The following MYL3 variants were observed in gnomAD, a reference collection of about 807,000 sequenced individuals.
MYL3 encodes myosin light chain 3.
Under a neutral mutation model 21.3 loss-of-function variants are expected in MYL3, and 11 were observed. The observed-to-expected ratio is 0.52, with a 90% confidence interval of 0.32 to 0.85. The LOEUF (loss-of-function observed/expected upper bound fraction) is 0.85. MYL3 is among the 40% of genes least tolerant of loss of function. MYL3 has a pLI of 0.03. For missense variants in MYL3, 206 were observed against 253.3 expected (o/e 0.81, Z 1.27); for synonymous variants, 88 against 91.6 (o/e 0.96, Z 0.22).
At chr3:46,873,075 A>T (rs1319196455) in intron 1 of MYL3, among the ~76,000 whole-genome samples, 1 of 152,246 alleles carries the variant, frequency 6.6e-6, no homozygotes, top group Non-Finnish European at 1.5e-5. Flanking sequence ...CTATTGGGAC[A>T]GAGGCAGCAG....
Position 46,869,636 on chromosome 3 carries a change from G to A in MYL3, c.-217-3036C>T, listed in dbSNP as rs145520703. Among the ~76,000 whole-genome samples the A allele has an allele frequency of 2.2e-4, 33 of 152,360 alleles. 1 individual carries two copies. The East Asian group carries it at 4.8e-3, about 22-fold the overall frequency. On this transcript the variant is annotated intron_variant, in intron 1 of 3. Coordinates refer to the MYL3 transcript ENST00000431168. ...ATTGTGTGGGAGTGTGTCGTCTTGC[G>A]TGCTTCCACGTGTCACCATGGGCAC... is the stretch of plus-strand genomic sequence containing the variant.
intron 1 of MYL3, among the ~76,000 whole-genome samples, chr3:46,872,356 G>A (rs2029963281): frequency 6.6e-6 from 1 of 152,214 alleles, no homozygotes; most frequent in Non-Finnish European, 1.5e-5. Flanking sequence ...CCAAAGGGAG[G>A]CCCTGCCTTC....
Position 46,863,257 on chromosome 3 carries a change from C to G in MYL3, c.129+5G>C. 1 of 1,614,082 alleles carries G rather than the reference C, an allele frequency of 6.2e-7. No homozygotes were observed. The highest frequency in any genetic ancestry group is 8.5e-7 in the Non-Finnish European group (1 of 1,180,010). ...CTATTGCCACCACCCAGCTTCCATA[C>G]CCACCTTGATCTTGGAAGCATCAAA... On this transcript the variant is annotated splice_donor_5th_base_variant and intron_variant, in intron 1 of 6. Coordinates refer to ENST00000292327, the MANE Select transcript of MYL3 (RefSeq NM_000258.3).
At chr3:46,867,001 C>G (rs1253598533), upstream of MYL3, among the ~76,000 whole-genome samples, 1 of 152,082 alleles carries the variant, frequency 6.6e-6, no homozygotes, top group Non-Finnish European at 1.5e-5. Context: ...CAACCCAGAC[C>G]CCAGATCAGG....
chr3:46,881,509 C>T (rs1470160015), intron 1 of MYL3, among the ~76,000 whole-genome samples: 1 of 152,166 alleles, frequency 6.6e-6, no homozygotes, highest in African/African-American at 2.4e-5. Context: ...GGTCTGGCAG[C>T]CTCGAGCCTC....
Position 46,859,071 on chromosome 3 carries a change from G to T in MYL3, c.481+404C>A, listed in dbSNP as rs1327054682. 2.0e-5 allele frequency among the ~76,000 whole-genome samples: 3 copies of T among 152,178 alleles called. No homozygotes were observed. The highest frequency in any genetic ancestry group is 4.8e-5 in the African/African-American group (2 of 41,434). ...CTGCTGCAGGCAGCCGATGGTAGGG[G>T]TATAAGTGGGAGGTACACAGGGCTC... On this transcript the variant is annotated intron_variant, in intron 4 of 6. Coordinates refer to ENST00000292327, the MANE Select transcript of MYL3 (RefSeq NM_000258.3). This position sits in a 1 kb window ranked among gnomAD's most constrained non-coding sequence, Gnocchi z 4.1.
At position 46,863,284 on chromosome 3, in the gene MYL3, T is replaced by A. The variant is rs1283215123; in HGVS notation, c.107A>T (p.Glu36Val). ...CACCTTGATCTTGGAAGCATCAAAC[T>A]CGACCTCCTTAGGGCGCTCAGGCTC... ...PPEPERPKEV[E>V]FDASKIKIEF... Residue 36 changes from glutamate to valine, a missense_variant, in exon 1 of 7, where the codon GAG becomes GTG. Glu to Val is a moderately radical substitution (Grantham distance 121, BLOSUM62 -2). Transcript: ENST00000292327. 1 of 1,614,094 alleles carries A rather than the reference T, an allele frequency of 6.2e-7. No homozygotes were observed.
chr3:46,858,437 A>G lies in MYL3; in HGVS notation c.506T>C (p.Val169Ala). The change falls in exon 5 of 7, where the codon GTG (valine) becomes GCG (alanine). Residue 169 changes from valine to alanine, a missense_variant. Val to Ala is a moderately conservative substitution (Grantham distance 64, BLOSUM62 0). Coordinates refer to ENST00000292327, the MANE Select transcript of MYL3 (RefSeq NM_000258.3). ...CTCTTGCCCAGCCATCAACTTCTCC[A>G]CTTCGTCTTCTGTCAGCCTCTCACC... ...TLGERLTEDE[V>A]EKLMAGQEDS... 1 of 1,613,620 alleles carries G rather than the reference A, an allele frequency of 6.2e-7. No homozygotes were observed. The highest frequency in any genetic ancestry group is 8.5e-7 in the Non-Finnish European group (1 of 1,179,942).
intron 1 of MYL3, among the ~76,000 whole-genome samples, chr3:46,875,598 C>T (rs938290521): frequency 2.0e-5 from 3 of 152,230 alleles, no homozygotes; most frequent in Admixed American, 2.0e-4. Flanking sequence ...ACCCTTCAAC[C>T]TCCACCACCT....
upstream of MYL3, chr3:46,863,458 C>T (rs914849613): frequency 1.0e-5 from 16 of 1,571,110 alleles, no homozygotes; most frequent in South Asian, 1.8e-4. Context: ...TGAGCCGCCT[C>T]ACCCAGGCCT....
In MYL3 at chr3:46,859,724, G is replaced by A; in HGVS notation, c.308-76C>T. ...CCCCTCCCCCATGCCTGATAATGAG[G>A]AGCTATCCCCACCTCTCACACAGTT... On this transcript the variant is annotated intron_variant, in intron 3 of 6. Coordinates refer to ENST00000292327, the MANE Select transcript of MYL3 (RefSeq NM_000258.3). The surrounding 1 kb of genome is among the most constrained non-coding windows in gnomAD (Gnocchi z 4.1). 1 of 1,514,744 alleles carries A rather than the reference G, an allele frequency of 6.6e-7. No individual in the cohort carries two copies. The highest frequency in any genetic ancestry group is 9.2e-7 in the Non-Finnish European group (1 of 1,090,788). The allele number at this position is 1,514,744 out of a possible 1,614,324, so 93.8% of individuals were successfully genotyped here.
chr3:46,865,636 G>A (rs539516844), upstream of MYL3, among the ~76,000 whole-genome samples: 12 of 152,290 alleles, frequency 7.9e-5, no homozygotes, highest in South Asian at 1.9e-3. The surrounding 1 kb of genome is among the most constrained non-coding windows in gnomAD (Gnocchi z 4.3). Flanking sequence ...ACCACCCAAC[G>A]TTGGCCCAAA....
At chr3:46,880,693 C>A (rs1334854239) in intron 1 of MYL3, among the ~76,000 whole-genome samples, 1 of 152,144 alleles carries the variant, frequency 6.6e-6, no homozygotes, top group South Asian at 2.1e-4. Context: ...TGCCACTGGA[C>A]TCCAGCCTGG....
At chr3:46,875,247 T>C (rs72895894) in intron 1 of MYL3, among the ~76,000 whole-genome samples, 6,431 of 152,262 alleles carry the variant, frequency 0.042, 189 homozygotes, top group African/African-American at 0.088. Flanking sequence ...CACTGAGGGA[T>C]GCAGACCTGA....
chr3:46,858,867 C>T (rs1701960830), intron 4 of MYL3, among the ~76,000 whole-genome samples: 2 of 152,156 alleles, frequency 1.3e-5, no homozygotes, highest in South Asian at 4.1e-4. Flanking sequence ...TGCCTCCGTA[C>T]TTCTGTGTGC....
chr3:46,862,778 C>T (rs552279723), intron 1 of MYL3, among the ~76,000 whole-genome samples: 1 of 152,306 alleles, frequency 6.6e-6, no homozygotes, highest in Admixed American at 6.5e-5. Context: ...AGTGCTCTAC[C>T]AGCTCTGGGC....
intron 1 of MYL3, among the ~76,000 whole-genome samples, chr3:46,871,502 G>A (rs1043779883): frequency 4.6e-5 from 7 of 152,002 alleles, no homozygotes; most frequent in Non-Finnish European, 8.8e-5. Context: ...GAAGGCTCCC[G>A]ACCCATTCCT....
intron 1 of MYL3, among the ~76,000 whole-genome samples, chr3:46,875,006 G>T (rs1298513621): frequency 6.6e-6 from 1 of 152,174 alleles, no homozygotes; most frequent in Non-Finnish European, 1.5e-5. Flanking sequence ...CTGGGGGTGG[G>T]TTTGGAGAGA....
chr3:46,874,844 C>T lies in MYL3; in HGVS notation c.-218+7230G>A, dbSNP rs753886475. Reference sequence around the variant, plus strand: ...TGGGAAACAGGACCCGCTTTGGACCCCCAACCAGTGTCCCCAGTGGCTGGC... The same window carrying T: ...TGGGAAACAGGACCCGCTTTGGACCTCCAACCAGTGTCCCCAGTGGCTGGC... On this transcript the variant is annotated intron_variant, in intron 1 of 3. Coordinates refer to the MYL3 transcript ENST00000431168. This position sits in a 1 kb window ranked among gnomAD's most constrained non-coding sequence, Gnocchi z 4.1. 1.5e-4 allele frequency among the ~76,000 whole-genome samples: 23 copies of T among 152,196 alleles called. No individual in the cohort carries two copies. The highest frequency in any genetic ancestry group is 3.2e-4 in the Non-Finnish European group (22 of 68,042).
Sources: gnomAD v4.1 joint callset for allele counts (sites outside exome capture counted in the v4.1 genomes callset) on GRCh38, gnomAD v4.1.1 for gene constraint, Gnocchi (gnomAD v3.1) non-coding constraint, MANE v1.5 for transcripts, NCBI Gene and HGNC (gene_info 2026-07-23, HGNC 2026-07-21) for gene names.